Variants in MACROD2 observed in about 807,000 individuals in gnomAD.
MACROD2 encodes mono-ADP ribosylhydrolase 2.
In MACROD2, 36 loss-of-function variants were observed where a neutral mutation model predicts 70.4. The ratio of observed to expected loss-of-function variants is 0.51; its 90% CI spans 0.39 to 0.68. The LOEUF (loss-of-function observed/expected upper bound fraction) is 0.68, where lower values mean the gene tolerates loss of function less well. Among genes scored for constraint, MACROD2 ranks in the 30% least tolerant of loss-of-function variants. The probability of loss-of-function intolerance (pLI) is 0.00; values close to 1 mark genes in which losing one functional copy is unlikely to be tolerated. For synonymous variants in MACROD2, 172 were observed against 178.8 expected, an observed-to-expected ratio of 0.96 and a Z score of 0.30; for missense variants, 496 against 538.4, an observed-to-expected ratio of 0.92 and a Z score of 0.78.
chr20:14,288,097 AT>A (rs1032706979), intron 3 of MACROD2, among the ~76,000 whole-genome samples: 2 of 151,994 alleles, frequency 1.3e-5, no homozygotes, highest in African/African-American at 4.8e-5. Context: ...AATCAGGGGC[AT>A]TACCTTAGAT....
intron 5 of MACROD2, among the ~76,000 whole-genome samples, chr20:14,772,282 C>T (rs1244891995): frequency 2.0e-5 from 3 of 151,880 alleles, no homozygotes; most frequent in African/African-American, 7.3e-5. Context: ...AACTTTTTAT[C>T]CATACTAATA....
chr20:14,381,051 C>T (rs1335375449), intron 3 of MACROD2, among the ~76,000 whole-genome samples: 1 of 152,144 alleles, frequency 6.6e-6, no homozygotes, highest in Non-Finnish European at 1.5e-5. Flanking sequence ...TGATTTATAA[C>T]TCTGCTAGTA....
intron 15 of MACROD2, among the ~76,000 whole-genome samples, chr20:15,987,533 A>G (rs1053236877): frequency 2.2e-4 from 34 of 152,294 alleles, no homozygotes; most frequent in African/African-American, 7.5e-4. Context: ...TATTGATTTC[A>G]TCTGTCTTCC....
chr20:15,114,556 G>A (rs74179757), intron 5 of MACROD2, among the ~76,000 whole-genome samples: 1 of 152,138 alleles, frequency 6.6e-6, no homozygotes, highest in Non-Finnish European at 1.5e-5. Flanking sequence ...GCCTGGAAGA[G>A]AACTCCAAGC....
intron 5 of MACROD2, among the ~76,000 whole-genome samples, chr20:15,183,254 G>T (rs1403302307): frequency 6.6e-6 from 1 of 152,134 alleles, no homozygotes; most frequent in South Asian, 2.1e-4. Context: ...ATTGGATCTT[G>T]CCAGGTATGA....
intron 3 of MACROD2, among the ~76,000 whole-genome samples, chr20:14,333,436 A>G (rs78303951): frequency 0.023 from 3,454 of 152,284 alleles, 56 homozygotes; most frequent in Non-Finnish European, 0.035. Context: ...ATGATATTAA[A>G]CCCAAAGTAA....
Position 14,499,540 on chromosome 20 carries a change from A to G in MACROD2, c.301+6032A>G, listed in dbSNP as rs549586368. On this transcript the variant is annotated intron_variant, in intron 4 of 17. Coordinates refer to ENST00000684519, the MANE Select transcript of MACROD2 (RefSeq NM_001351661.2). ...AGAGTGAGACCCTGTCTCTTAAAAA[A>G]AAAATCCTGACTGCCTTAGGTGGGA... Among the ~76,000 whole-genome samples the G allele has an allele frequency of 7.9e-5, 12 of 152,200 alleles. No individual in the cohort carries two copies. The East Asian group carries it at 1.9e-3, about 25-fold the overall frequency.
chr20:14,693,335 T>C (rs545417575), intron 5 of MACROD2, among the ~76,000 whole-genome samples: 2 of 152,298 alleles, frequency 1.3e-5, no homozygotes, highest in South Asian at 2.1e-4. Flanking sequence ...CAGAATGGCT[T>C]TGAGTAATTT....
chr20:14,071,346 C>T (rs1168572633), intron 2 of MACROD2, among the ~76,000 whole-genome samples: 5 of 143,598 alleles, frequency 3.5e-5, no homozygotes, highest in East Asian at 2.1e-4. Flanking sequence ...CTGCAAGCTC[C>T]GCCTCCCGGG....
At chr20:15,608,007 C>A (rs2048917750) in intron 8 of MACROD2, among the ~76,000 whole-genome samples, 1 of 152,198 alleles carries the variant, frequency 6.6e-6, no homozygotes, top group South Asian at 2.1e-4. Context: ...TTAGCCATGG[C>A]TTAACCCATC....
At chr20:14,449,899 G>A (rs1484486623) in intron 3 of MACROD2, among the ~76,000 whole-genome samples, 1 of 152,038 alleles carries the variant, frequency 6.6e-6, no homozygotes, top group Non-Finnish European at 1.5e-5. Flanking sequence ...CAGATTAAAA[G>A]GAGCAGTGTA....
rs117241938 is a variant in MACROD2 at position 15,775,362 on chromosome 20, C to T, written c.646-87383C>T. ...AGACTGGACAGAACCATTCCATGGT[C>T]AGTGTTCTCTTATCAGCCAAAAAAG... On this transcript the variant is annotated intron_variant, in intron 8 of 17. Coordinates refer to ENST00000684519, the MANE Select transcript of MACROD2 (RefSeq NM_001351661.2). Among the ~76,000 whole-genome samples the T allele has an allele frequency of 8.5e-3, 1,288 of 152,136 alleles. 18 individuals are homozygous for T. Among genetic ancestry groups the T allele is most frequent in the Non-Finnish European group, 0.013 (865 of 67,994 alleles).
At chr20:15,027,200 A>T (rs1474120206) in intron 5 of MACROD2, among the ~76,000 whole-genome samples, 1 of 152,178 alleles carries the variant, frequency 6.6e-6, no homozygotes, top group East Asian at 1.9e-4. Context: ...GGGTTAAAAA[A>T]TGTTTCTCAG....
intron 8 of MACROD2, among the ~76,000 whole-genome samples, chr20:15,680,723 T>C (rs1433596063): frequency 2.6e-5 from 4 of 152,166 alleles, no homozygotes; most frequent in Non-Finnish European, 5.9e-5. Context: ...AGTAAGTTTG[T>C]TGATATTTTG....
At chr20:15,514,395 CT>C (rs1474276391) in intron 8 of MACROD2, among the ~76,000 whole-genome samples, 12 of 152,114 alleles carry the variant, frequency 7.9e-5, no homozygotes, top group African/African-American at 2.9e-4. Flanking sequence ...TTTACTGTAC[CT>C]TTTCCATGTT....
rs1005958290 is a variant in MACROD2, at chr20:14,074,000, A to C, written c.164-11621A>C. On this transcript the variant is annotated intron_variant, in intron 2 of 17. Coordinates refer to ENST00000684519, the MANE Select transcript of MACROD2 (RefSeq NM_001351661.2). ...ATCTTGCTAAGTCAGTTTAGAGAGA[A>C]TCTCCTATCCCAAATATCTAACATT... Among the ~76,000 whole-genome samples the C allele has an allele frequency of 3.9e-5, 6 of 152,262 alleles. No homozygotes were observed. In the South Asian group the frequency reaches 6.2e-4, roughly 16 times the overall value.
chr20:14,241,864 CA>C (rs1456353558), intron 3 of MACROD2, among the ~76,000 whole-genome samples: 2 of 152,154 alleles, frequency 1.3e-5, no homozygotes, highest in Non-Finnish European at 2.9e-5. Flanking sequence ...TATTCTTTTA[CA>C]TAAGCTTTAA....
chr20:15,912,845 TA>T (rs1258035735), intron 10 of MACROD2, among the ~76,000 whole-genome samples: 2 of 152,210 alleles, frequency 1.3e-5, no homozygotes, highest in Non-Finnish European at 2.9e-5. Context: ...TAATTCTGCA[TA>T]AAATTTAATT....
intron 3 of MACROD2, chr20:14,223,118 G>C (rs1485094761): frequency 1.3e-5 from 2 of 152,376 alleles, no homozygotes; most frequent in East Asian, 3.9e-4. Flanking sequence ...CAGAAGTTCT[G>C]GGCTGTAGTG....
Sources: allele counts gnomAD v4.1 joint callset (sites outside exome capture counted in the v4.1 genomes callset), GRCh38; gene constraint gnomAD v4.1.1; transcripts MANE v1.5; gene names NCBI Gene and HGNC (gene_info 2026-07-23, HGNC 2026-07-21).